Variants in CFAP20DC observed in about 807,000 individuals in gnomAD.
CFAP20DC encodes protein CFAP20DC.
A neutral mutation model predicts 101.7 loss-of-function variants in CFAP20DC; 84 were observed. The observed-to-expected ratio is 0.83, with a 90% CI of 0.69 to 0.99. The LOEUF is 0.99. Ranked by LOEUF, CFAP20DC falls within the 50% of genes least tolerant of loss-of-function variation. CFAP20DC has a pLI of 0.00. For missense variants in CFAP20DC, 1,007 were observed against 970.3 expected, an observed-to-expected ratio of 1.04 and a Z score of -0.50; for synonymous variants, 359 against 351.2, an observed-to-expected ratio of 1.02 and a Z score of -0.25.
intron 4 of CFAP20DC, among the ~76,000 whole-genome samples, chr3:59,030,813 T>C (rs2093977159): frequency 6.7e-6 from 1 of 148,552 alleles, no homozygotes; most frequent in South Asian, 2.1e-4. Flanking sequence ...AAGTTTTTTT[T>C]TGTTTTTGTT....
intron 15 of CFAP20DC, among the ~76,000 whole-genome samples, chr3:58,805,116 G>A (rs762447853): frequency 6.6e-6 from 1 of 152,182 alleles, no homozygotes; most frequent in Admixed American, 6.5e-5. Context: ...ACCAGAATGG[G>A]CACTTGGCTC....
At chr3:58,815,858 C>T (rs2075082238) in intron 14 of CFAP20DC, among the ~76,000 whole-genome samples, 1 of 150,884 alleles carries the variant, frequency 6.6e-6, no homozygotes, top group African/African-American at 2.5e-5. Context: ...AGTCAGGAAA[C>T]AACAGGTGCT....
intron 14 of CFAP20DC, among the ~76,000 whole-genome samples, chr3:58,807,372 C>CGAT (rs1250477908): frequency 6.6e-6 from 1 of 152,192 alleles, no homozygotes; most frequent in African/African-American, 2.4e-5. Flanking sequence ...GATAAAACTT[C>CGAT]CAGAGGAACG....
intron 4 of CFAP20DC, among the ~76,000 whole-genome samples, chr3:58,958,776 A>T (rs2090880934): frequency 1.3e-5 from 2 of 152,092 alleles, no homozygotes; most frequent in South Asian, 4.2e-4. Context: ...GCCTATTCAA[A>T]CCTTTTACCA....
chr3:58,920,072 CTTTTTTTTTTTT>C (rs71091396), intron 5 of CFAP20DC, among the ~76,000 whole-genome samples: 7 of 46,808 alleles, frequency 1.5e-4, no homozygotes, highest in South Asian at 1.1e-3. Flanking sequence ...GGTGGATATT[CTTTTTTTTTTTT>C]TTTTTTTTTT....
intron 5 of CFAP20DC, among the ~76,000 whole-genome samples, chr3:58,919,753 G>A (rs1224370531): frequency 2.0e-5 from 3 of 152,114 alleles, no homozygotes; most frequent in Non-Finnish European, 2.9e-5. Flanking sequence ...AGTATTCAGA[G>A]TTTTAATGAT....
intron 4 of CFAP20DC, among the ~76,000 whole-genome samples, chr3:59,033,552 G>GTACA (rs373400379): frequency 2.3e-3 from 346 of 152,088 alleles, no homozygotes; most frequent in African/African-American, 8.1e-3. Flanking sequence ...TTCGTGAAGC[G>GTACA]TACACAGCTA....
rs147910340 is a variant in CFAP20DC at position 58,897,966 on chromosome 3, A to C, written c.551-13257T>G. ...GAATTTCTCCTGGATGCTATCCTGA[A>C]ATATGTTTTCCAACTTGGTTCCATC... On this transcript the variant is annotated intron_variant, in intron 6 of 16. Coordinates refer to ENST00000482387, the MANE Select transcript of CFAP20DC (RefSeq NM_001394063.1). The surrounding 1 kb of genome is among the most constrained non-coding windows in gnomAD (Gnocchi z 4.4). Among the ~76,000 whole-genome samples the C allele has an allele frequency of 9.9e-5, 15 of 152,210 alleles. No individual in the cohort carries two copies. Among genetic ancestry groups the C allele is most frequent in the African/African-American group, 3.4e-4 (14 of 41,526 alleles).
intron 15 of CFAP20DC, among the ~76,000 whole-genome samples, chr3:58,781,423 A>G (rs574803571): frequency 6.6e-6 from 1 of 151,972 alleles, no homozygotes; most frequent in Admixed American, 6.6e-5. Context: ...ATCTAAAATT[A>G]ATAGAAGGAA....
intron 15 of CFAP20DC, among the ~76,000 whole-genome samples, chr3:58,780,304 CAAAG>C (rs2071706256): frequency 6.6e-6 from 1 of 151,798 alleles, no homozygotes; most frequent in Non-Finnish European, 1.5e-5. Flanking sequence ...GGTAAACAAA[CAAAG>C]AAGATAAAAT....
intron 6 of CFAP20DC, among the ~76,000 whole-genome samples, chr3:58,903,128 C>G (rs1395333008): frequency 6.6e-6 from 1 of 152,028 alleles, no homozygotes. Context: ...TGATGGTGTT[C>G]TTTGATACAC....
rs893090990 is a variant in CFAP20DC, at chr3:59,019,634, A to G, written c.278+19923T>C. Reference sequence around the variant, plus strand: ...GGATTTGGGGATTATCTGTTAGAGCAGTTAGCCCACCTGACTGATATAACT... The same window carrying G: ...GGATTTGGGGATTATCTGTTAGAGCGGTTAGCCCACCTGACTGATATAACT... On this transcript the variant is annotated intron_variant, in intron 4 of 16. Coordinates refer to ENST00000482387, the MANE Select transcript of CFAP20DC (RefSeq NM_001394063.1). Among the ~76,000 whole-genome samples the G allele has an allele frequency of 4.6e-5, 7 of 152,100 alleles. No homozygotes were observed. In the East Asian group the frequency reaches 7.7e-4, roughly 17 times the overall value.
chr3:59,047,181 G>A lies in CFAP20DC; in HGVS notation c.95C>T (p.Pro32Leu). Residue 32 changes from proline to leucine, a missense_variant, in exon 2 of 17, where the codon CCA (proline) becomes CTA (leucine). Physicochemically the swap from Pro to Leu is moderately conservative, Grantham distance 98. Transcript: ENST00000482387. The stretch of plus-strand genomic sequence containing the variant: ...AATACTTACTTTCCAAATCACAGAT[G>A]GACTACCAAGGATCTTCCATTTTGC... The part of the protein sequence containing the change: ...PGAKWKILGS[P>L]SVIWKEFDKE... 3 of 1,533,096 alleles carry A rather than the reference G, an allele frequency of 2.0e-6. No homozygotes were observed. Among genetic ancestry groups the A allele is most frequent in the Non-Finnish European group, 2.6e-6 (3 of 1,144,584 alleles). The allele number at this position is 1,533,096 out of a possible 1,614,324, so 95.0% of individuals were successfully genotyped here.
At position 58,834,272 on chromosome 3, in the gene CFAP20DC, G is replaced by C. The variant is rs1022713942; in HGVS notation, c.1972-2383C>G. Among the ~76,000 whole-genome samples, 3 of 152,266 alleles carry C rather than the reference G, an allele frequency of 2.0e-5. No individual in the cohort carries two copies. The East Asian group carries it at 5.8e-4, about 29-fold the overall frequency. ...TGAGAATACCAGCTGCTTGACTTTA[G>C]CTGCAGCAGTGAGCAAGTGACTTGC... On this transcript the variant is annotated intron_variant, in intron 13 of 16. Transcript: ENST00000482387.
chr3:59,031,102 T>C (rs1361134299), intron 4 of CFAP20DC, among the ~76,000 whole-genome samples: 4 of 152,178 alleles, frequency 2.6e-5, no homozygotes, highest in Non-Finnish European at 5.9e-5. Context: ...GATTACAGGC[T>C]TGAGCCGCCG....
intron 15 of CFAP20DC, among the ~76,000 whole-genome samples, chr3:58,756,059 C>T (rs1455700181): frequency 1.3e-5 from 2 of 152,134 alleles, no homozygotes; most frequent in African/African-American, 4.8e-5. Flanking sequence ...TCTATGGCTG[C>T]TTTTGTGCTA....
intron 16 of CFAP20DC, among the ~76,000 whole-genome samples, chr3:58,748,244 A>G (rs751308782): frequency 5.9e-5 from 9 of 152,178 alleles, no homozygotes; most frequent in Non-Finnish European, 1.0e-4. Flanking sequence ...TCTGAAGCCA[A>G]CAGAGCCCAT....
At chr3:58,940,168 G>T (rs7650815) in intron 4 of CFAP20DC, among the ~76,000 whole-genome samples, 1 of 152,192 alleles carries the variant, frequency 6.6e-6, no homozygotes, top group African/African-American at 2.4e-5. Flanking sequence ...ACATTCATTT[G>T]TTCATTCATA....
chr3:58,821,172 AC>A (rs1367400953), intron 14 of CFAP20DC, among the ~76,000 whole-genome samples: 1 of 152,078 alleles, frequency 6.6e-6, no homozygotes, highest in East Asian at 1.9e-4. Context: ...TAAACGTTAG[AC>A]CTAAAACCAT....
Sources: allele counts gnomAD v4.1 joint callset (sites outside exome capture counted in the v4.1 genomes callset), GRCh38; gene constraint gnomAD v4.1.1; non-coding constraint Gnocchi (gnomAD v3.1); transcripts MANE v1.5; gene names NCBI Gene and HGNC (gene_info 2026-07-23, HGNC 2026-07-21).